Variants in RNF6 observed in about 807,000 individuals in gnomAD.
RNF6 encodes the protein ring finger protein 6.
RNF6 carries 21 observed loss-of-function variants against 50.1 expected under a neutral mutation model. That is an observed-to-expected ratio of 0.42 (90% CI 0.30 to 0.60). The LOEUF is 0.60. Ranked by LOEUF, RNF6 falls within the 20% of genes least tolerant of loss-of-function variation. The probability of loss-of-function intolerance (pLI) is 0.20; values close to 1 mark genes in which losing one functional copy is unlikely to be tolerated. For missense variants in RNF6, 698 were observed against 838.2 expected (o/e 0.83, Z 2.07); for synonymous variants, 255 against 291.8 (o/e 0.87, Z 1.29).
chr13:26,160,729 G>C (rs527652447), intron 5 of RNF6, among the ~76,000 whole-genome samples: 2 of 152,192 alleles, frequency 1.3e-5, no homozygotes, highest in South Asian at 4.1e-4. Flanking sequence ...ACTGAAACCT[G>C]TTTTCCTACC....
intron 5 of RNF6, among the ~76,000 whole-genome samples, chr13:26,169,116 A>G (rs1049772965): frequency 3.3e-5 from 5 of 152,016 alleles, no homozygotes; most frequent in Admixed American, 3.3e-4. Context: ...TCTCCTGCCC[A>G]CCCTCTCCCT....
At chr13:26,211,241 A>G (rs1422944060), downstream of RNF6, among the ~76,000 whole-genome samples, 1 of 152,192 alleles carries the variant, frequency 6.6e-6, no homozygotes, top group East Asian at 1.9e-4. Context: ...CCTTCAGGGA[A>G]TTTTCCATAC....
chr13:26,181,075 C>T (rs1054396273), intron 5 of RNF6, among the ~76,000 whole-genome samples: 3 of 152,164 alleles, frequency 2.0e-5, no homozygotes, highest in Non-Finnish European at 2.9e-5. Flanking sequence ...CTAGACCTTC[C>T]TCCATCAGCC....
chr13:26,196,363 T>C (rs1293000742), intron 5 of RNF6, among the ~76,000 whole-genome samples: 1 of 152,024 alleles, frequency 6.6e-6, no homozygotes, highest in African/African-American at 2.4e-5. Flanking sequence ...AAATAAAACA[T>C]TTTCAGGCCG....
chr13:26,186,750 G>A (rs952628236), intron 5 of RNF6, among the ~76,000 whole-genome samples: 3 of 151,444 alleles, frequency 2.0e-5, no homozygotes, highest in Admixed American at 2.0e-4. Flanking sequence ...GGAGGGCAGG[G>A]AAGCGTCAGG....
At chr13:26,203,351 T>C (rs76154673) in intron 5 of RNF6, among the ~76,000 whole-genome samples, 30,095 of 152,178 alleles carry the variant, frequency 0.2, 3,463 homozygotes, top group East Asian at 0.4. Flanking sequence ...AAATAGATAA[T>C]AGATTGCAGG....
intron 5 of RNF6, among the ~76,000 whole-genome samples, chr13:26,143,396 G>C (rs1249229174): frequency 6.6e-6 from 1 of 152,172 alleles, no homozygotes; most frequent in African/African-American, 2.4e-5. Flanking sequence ...AGCATGAGGA[G>C]CCCAAAGTGG....
intron 3 of RNF6, 80 bp downstream of exon 3, chr13:26,219,377 G>A: frequency 8.4e-7 from 1 of 1,192,314 alleles, no homozygotes; most frequent in Non-Finnish European, 1.2e-6. Context: ...CAAGGAAAAA[G>A]AATACCAATT....
intron 5 of RNF6, among the ~76,000 whole-genome samples, chr13:26,137,293 T>A (rs1395735280): frequency 6.6e-6 from 1 of 151,918 alleles, no homozygotes; most frequent in Non-Finnish European, 1.5e-5. Context: ...AAATAATAGA[T>A]TAACTAAAGA....
At chr13:26,186,774 CTTTT>C (rs66536727) in intron 5 of RNF6, among the ~76,000 whole-genome samples, 5 of 74,100 alleles carry the variant, frequency 6.7e-5, no homozygotes, top group African/African-American at 1.1e-4. Context: ...CTTTCTTCTT[CTTTT>C]TTTTTTTTTC....
chr13:26,160,759 T>C (rs1872175127), intron 5 of RNF6, among the ~76,000 whole-genome samples: 1 of 152,074 alleles, frequency 6.6e-6, no homozygotes, highest in Non-Finnish European at 1.5e-5. Context: ...GCTGGACATT[T>C]GAGATCAAGG....
intron 5 of RNF6, among the ~76,000 whole-genome samples, chr13:26,183,993 T>A (rs1386770034): frequency 1.4e-4 from 7 of 48,438 alleles, no homozygotes; most frequent in Admixed American, 1.0e-3. Context: ...ATAAATAAAA[T>A]ATATATATAT....
At chr13:26,222,663 T>G (rs1200698264), upstream of RNF6, 8 of 152,370 alleles carry the variant, frequency 5.3e-5, no homozygotes, top group Non-Finnish European at 8.8e-5. Flanking sequence ...TCTGTCTGTC[T>G]ATCTCTATTT....
At chr13:26,178,268 A>G (rs975856706) in intron 5 of RNF6, among the ~76,000 whole-genome samples, 10 of 152,202 alleles carry the variant, frequency 6.6e-5, no homozygotes, top group African/African-American at 2.4e-4. Context: ...TCTGAAGGCT[A>G]AGAAGCCCAT....
At chr13:26,170,357 AT>A (rs1872640625) in intron 5 of RNF6, among the ~76,000 whole-genome samples, 1 of 152,216 alleles carries the variant, frequency 6.6e-6, no homozygotes, top group South Asian at 2.1e-4. Context: ...TTACCGAAGA[AT>A]TTCCCCTGAC....
At chr13:26,192,744 C>T (rs1258768368) in intron 5 of RNF6, among the ~76,000 whole-genome samples, 1 of 152,196 alleles carries the variant, frequency 6.6e-6, no homozygotes, top group Admixed American at 6.5e-5. Flanking sequence ...CCTCAAGGAG[C>T]TGAATCCTGC....
At chr13:26,165,411 A>G (rs1456287348) in intron 5 of RNF6, among the ~76,000 whole-genome samples, 5 of 152,220 alleles carry the variant, frequency 3.3e-5, no homozygotes, top group African/African-American at 9.6e-5. Context: ...TGGAGCCTGC[A>G]TAGGGAGTCT....
chr13:26,146,417 C>T (rs1871247003), intron 5 of RNF6, among the ~76,000 whole-genome samples: 1 of 152,200 alleles, frequency 6.6e-6, no homozygotes, highest in Non-Finnish European at 1.5e-5. Flanking sequence ...TTTAGGTTTC[C>T]AATTAAGTGG....
chr13:26,137,276 T>C (rs1219733451), intron 5 of RNF6, among the ~76,000 whole-genome samples: 1 of 152,046 alleles, frequency 6.6e-6, no homozygotes, highest in African/African-American at 2.4e-5. Context: ...TGGATAGCAA[T>C]TGGGGTAAAT....
Sources: gnomAD v4.1 joint callset for allele counts (sites outside exome capture counted in the v4.1 genomes callset) on GRCh38, gnomAD v4.1.1 for gene constraint, MANE v1.5 for transcripts, NCBI Gene and HGNC (gene_info 2026-07-23, HGNC 2026-07-21) for gene names.